The following STK32B variants were observed in gnomAD, a reference collection of about 807,000 sequenced individuals.
STK32B encodes the protein serine/threonine-protein kinase 32B.
A neutral mutation model predicts 52.6 loss-of-function variants in STK32B; 43 were observed. The ratio of observed to expected loss-of-function variants is 0.82; its 90% CI spans 0.64 to 1.05. The LOEUF is 1.05. STK32B is among the 50% of genes least tolerant of loss of function. The pLI, the probability that STK32B is intolerant of heterozygous loss-of-function variation, is 0.00. For missense variants in STK32B, 621 were observed against 534.6 expected, an observed-to-expected ratio of 1.16 and a Z score of -1.59; for synonymous variants, 238 against 204.3, an observed-to-expected ratio of 1.17 and a Z score of -1.41.
At chr4:5,116,828 T>TTAGTG (rs201355981) in intron 1 of STK32B, among the ~76,000 whole-genome samples, 4,984 of 152,320 alleles carry the variant, frequency 0.033, 269 homozygotes, top group African/African-American at 0.11. Flanking sequence ...CATCAATGAC[T>TTAGTG]TACACAGTTC....
intron 3 of STK32B, among the ~76,000 whole-genome samples, chr4:5,240,864 A>G (rs1221592302): frequency 1.3e-5 from 2 of 151,988 alleles, no homozygotes; most frequent in African/African-American, 4.8e-5. Flanking sequence ...TTATTTCCAT[A>G]TTTGTGTGTA....
the STK32B span, among the ~76,000 whole-genome samples, chr4:5,040,932 T>C: frequency 6.6e-6 from 1 of 152,310 alleles, no homozygotes; most frequent in African/African-American, 2.4e-5. Flanking sequence ...TGTGTATGCA[T>C]ACACAGAAAA....
chr4:5,441,514 C>T (rs1196337353), intron 6 of STK32B, among the ~76,000 whole-genome samples: 2 of 151,010 alleles, frequency 1.3e-5, no homozygotes, highest in Middle Eastern at 3.4e-3. Flanking sequence ...ATTAGTCTTG[C>T]TAGCAGTCTA....
chr4:5,107,663 A>T (rs1714180441), intron 1 of STK32B, among the ~76,000 whole-genome samples: 1 of 152,184 alleles, frequency 6.6e-6, no homozygotes, highest in African/African-American at 2.4e-5. Context: ...AAAGAACTCT[A>T]CCTCATCGTC....
At chr4:5,328,706 A>G (rs971816080) in intron 3 of STK32B, among the ~76,000 whole-genome samples, 1 of 152,250 alleles carries the variant, frequency 6.6e-6, no homozygotes, top group Non-Finnish European at 1.5e-5. Flanking sequence ...ACACAGAGAT[A>G]CAAACTGAGC....
At chr4:5,086,939 G>C (rs979808411) in intron 1 of STK32B, among the ~76,000 whole-genome samples, 2 of 152,202 alleles carry the variant, frequency 1.3e-5, no homozygotes, top group Non-Finnish European at 2.9e-5. Flanking sequence ...ATAGTAAAGA[G>C]AGTCATTCAG....
chr4:5,168,136 G>T (rs1410562534), intron 2 of STK32B, among the ~76,000 whole-genome samples, 163 bp from the exon 3 acceptor site: 1 of 152,146 alleles, frequency 6.6e-6, no homozygotes, highest in Non-Finnish European at 1.5e-5. Flanking sequence ...CCATTCTGCA[G>T]ATGCAGAGAG....
intron 1 of STK32B, among the ~76,000 whole-genome samples, chr4:5,056,652 A>G (rs1742016640): frequency 6.6e-6 from 1 of 152,140 alleles, no homozygotes. Context: ...TATCTTTCTC[A>G]TAGTAGTTGC....
intron 3 of STK32B, among the ~76,000 whole-genome samples, chr4:5,287,032 G>C (rs986042742): frequency 3.9e-5 from 6 of 151,946 alleles, no homozygotes; most frequent in Non-Finnish European, 7.4e-5. Context: ...TCCTGACCTC[G>C]TGTTCCGCCC....
chr4:5,374,502 C>T (rs1735454310), intron 4 of STK32B, among the ~76,000 whole-genome samples: 1 of 152,172 alleles, frequency 6.6e-6, no homozygotes, highest in Non-Finnish European at 1.5e-5. Flanking sequence ...TAGACTGGTT[C>T]ATTGATAAAC....
chr4:5,148,578 T>C (rs111816327), intron 2 of STK32B, among the ~76,000 whole-genome samples: 9,035 of 151,810 alleles, frequency 0.06, 337 homozygotes, highest in African/African-American at 0.093. Context: ...ATTTTTTTCA[T>C]TGTGGTCCAA....
At position 5,274,600 on chromosome 4, in the gene STK32B, T is replaced by G. The variant is rs568659513; in HGVS notation, c.261-56620T>G. Reference sequence around the variant, plus strand: ...AAACAGGAGGTAAAGAAATAGCCAATCATCTATTGTCTGAGAGCACAGCGG... The same window carrying G: ...AAACAGGAGGTAAAGAAATAGCCAAGCATCTATTGTCTGAGAGCACAGCGG... On this transcript the variant is annotated intron_variant, in intron 3 of 11. Transcript: ENST00000282908. Among the ~76,000 whole-genome samples, 4 of 152,198 alleles carry G rather than the reference T, an allele frequency of 2.6e-5. No homozygotes were observed. The East Asian group carries it at 7.7e-4, about 29-fold the overall frequency.
chr4:5,327,048 G>A (rs1315608564), intron 3 of STK32B, among the ~76,000 whole-genome samples: 5 of 151,982 alleles, frequency 3.3e-5, no homozygotes, highest in African/African-American at 4.8e-5. Context: ...CAAGAAGCTC[G>A]TTTCTTCCTT....
At chr4:5,333,328 G>T (rs1004248820) in intron 4 of STK32B, among the ~76,000 whole-genome samples, 8 of 152,122 alleles carry the variant, frequency 5.3e-5, no homozygotes, top group Non-Finnish European at 1.2e-4. Context: ...TGATGGGGTT[G>T]TTTTTTTCTT....
intron 3 of STK32B, among the ~76,000 whole-genome samples, chr4:5,181,695 T>TA (rs1449325037): frequency 6.6e-6 from 1 of 152,224 alleles, no homozygotes; most frequent in East Asian, 1.9e-4. Flanking sequence ...GAATTATGTC[T>TA]AAAAAACAAG....
At chr4:5,082,071 T>C (rs10937622) in intron 1 of STK32B, among the ~76,000 whole-genome samples, 38,087 of 152,090 alleles carry the variant, frequency 0.25, 5,630 homozygotes, top group Non-Finnish European at 0.34. Flanking sequence ...CAGCTAGGAT[T>C]TTTTAGGCTT....
chr4:5,362,247 A>C (rs1021530071), intron 4 of STK32B, among the ~76,000 whole-genome samples: 1 of 152,210 alleles, frequency 6.6e-6, no homozygotes, highest in Non-Finnish European at 1.5e-5. Context: ...AATAAGTCAT[A>C]GACAGTCAGC....
chr4:5,402,836 C>T (rs1444683861), intron 5 of STK32B, among the ~76,000 whole-genome samples: 1 of 152,164 alleles, frequency 6.6e-6, no homozygotes, highest in East Asian at 1.9e-4. Context: ...CAGAAGGTGG[C>T]TGAGGCCAGG....
chr4:5,353,618 A>G (rs1577385340), intron 4 of STK32B, among the ~76,000 whole-genome samples: 2 of 152,144 alleles, frequency 1.3e-5, no homozygotes, highest in African/African-American at 4.8e-5. Context: ...CATAAAAATG[A>G]CCAACAGGTA....
Sources: gnomAD v4.1 joint callset for allele counts (sites outside exome capture counted in the v4.1 genomes callset) on GRCh38, gnomAD v4.1.1 for gene constraint, MANE v1.5 for transcripts, NCBI Gene and HGNC (gene_info 2026-07-23, HGNC 2026-07-21) for gene names.